KCNG2: variants seen among roughly 807,000 people sequenced by gnomAD.
The protein encoded by KCNG2 is potassium voltage-gated channel modifier subfamily G member 2.
A neutral mutation model predicts 12.3 loss-of-function variants in KCNG2; 7 were observed. That is an observed-to-expected ratio of 0.57 (90% confidence interval 0.32 to 1.07). KCNG2 has a LOEUF of 1.07. Among genes scored for constraint, KCNG2 ranks in the 50% least tolerant of loss-of-function variants. The pLI is 0.04. For missense variants in KCNG2, 703 were observed against 726.0 expected (o/e 0.97, Z 0.36); for synonymous variants, 414 against 351.4 (o/e 1.18, Z -1.99).
intron 1 of KCNG2, among the ~76,000 whole-genome samples, chr18:79,814,241 G>A (rs2087512223): frequency 6.6e-6 from 1 of 152,182 alleles, no homozygotes; most frequent in Non-Finnish European, 1.5e-5. Context: ...CAGCAATTGT[G>A]ATCTTGGGCA....
chr18:79,801,095 G>A (rs978322192), intron 1 of KCNG2, among the ~76,000 whole-genome samples: 1 of 152,158 alleles, frequency 6.6e-6, no homozygotes, highest in Non-Finnish European at 1.5e-5. Context: ...TTAACTGCTG[G>A]TCTCTGATCC....
intron 1 of KCNG2, among the ~76,000 whole-genome samples, chr18:79,835,753 A>C (rs1249374014): frequency 2.6e-5 from 4 of 152,236 alleles, no homozygotes; most frequent in African/African-American, 9.6e-5. Flanking sequence ...GGGATGTGTA[A>C]GACTATTATT....
At chr18:79,860,611 T>A (rs1979175552) in intron 2 of KCNG2, among the ~76,000 whole-genome samples, 1 of 152,130 alleles carries the variant, frequency 6.6e-6, no homozygotes, top group East Asian at 1.9e-4. Context: ...TACAACTGAT[T>A]TTTTTTACCG....
chr18:79,899,268 C>T lies in KCNG2; in HGVS notation c.853C>T (p.Leu285=), dbSNP rs970302534. Residue 285 remains leucine, a synonymous_variant, in exon 4 of 4, where the codon CTG becomes TTG. Transcript: ENST00000316249. Reference sequence around the variant, plus strand: ...GACCAAGCTCCTGGAGCGCGCGGGGCTGGTGCTGCGGCTGCTGCGTGCGCT... The same window carrying T: ...GACCAAGCTCCTGGAGCGCGCGGGGTTGGTGCTGCGGCTGCTGCGTGCGCT... ...GGTKLLERAG[L]VLRLLRALRV... The T allele has an allele frequency of 6.9e-6, 11 of 1,584,068 alleles. No individual in the cohort carries two copies. The highest frequency in any genetic ancestry group is 8.5e-6 in the Non-Finnish European group (10 of 1,172,468).
At chr18:79,851,369 G>T (rs936995849) in intron 1 of KCNG2, among the ~76,000 whole-genome samples, 5 of 152,158 alleles carry the variant, frequency 3.3e-5, no homozygotes, top group Admixed American at 6.5e-5. Context: ...ATCTGTTCCC[G>T]TAGCCATAAG....
intron 1 of KCNG2, among the ~76,000 whole-genome samples, chr18:79,845,228 G>A (rs983018682): frequency 3.9e-5 from 6 of 152,198 alleles, no homozygotes; most frequent in Admixed American, 1.3e-4. Context: ...ATATTATGAC[G>A]ATGAAGAACA....
At chr18:79,829,698 A>G in intron 1 of KCNG2, among the ~76,000 whole-genome samples, 1 of 152,000 alleles carries the variant, frequency 6.6e-6, no homozygotes. Context: ...CGCCATCTCT[A>G]CACTGTACTG....
chr18:79,866,386 C>T (rs1979549075), intron 3 of KCNG2, among the ~76,000 whole-genome samples: 1 of 103,796 alleles, frequency 9.6e-6, no homozygotes, highest in African/African-American at 3.8e-5. Context: ...GGTCTGGGTG[C>T]TGAGAGGTCT....
rs759695148 is a variant in KCNG2 at position 79,899,189 on chromosome 18, G to A, written c.774G>A (p.Ala258=). The A allele has an allele frequency of 2.6e-5, 42 of 1,603,646 alleles. No individual in the cohort carries two copies. The highest frequency in any genetic ancestry group is 1.7e-5 in the Admixed American group (1 of 59,894). ...RAPLNIIDIL[A]LLPFYVSLLL... is the part of the protein sequence containing the mutation. ...CACTCAACATCATTGACATCCTGGC[G>A]CTCCTGCCGTTCTACGTGTCGCTGC... Residue 258 remains alanine (A), a synonymous_variant, in exon 4 of 4, where the codon GCG becomes GCA. Coordinates refer to ENST00000316249, the MANE Select transcript of KCNG2 (RefSeq NM_012283.2).
intron 3 of KCNG2, among the ~76,000 whole-genome samples, chr18:79,865,326 AGAGGTCTGGGTGCT>A (rs1482818940): frequency 3.4e-5 from 3 of 88,068 alleles, no homozygotes; most frequent in Non-Finnish European, 4.8e-5. Context: ...CTGGGTGCTG[AGAGGTCTGGGTGCT>A]GAGGTCTGGG....
chr18:79,864,306 G>T lies in KCNG2; in HGVS notation c.624+15G>T, dbSNP rs1415422068. The T allele has an allele frequency of 1.3e-6, 2 of 1,513,568 alleles. No individual in the cohort carries two copies. Among genetic ancestry groups the T allele is most frequent in the South Asian group, 1.2e-5 (1 of 85,662 alleles). 93.8% of individuals were successfully genotyped at this position (1,513,568 alleles called of 1,614,324 possible). A position where few individuals can be genotyped will look rare whatever the true frequency, so the allele number is the denominator to read the frequency against. On this transcript the variant is annotated intron_variant, in intron 3 of 3. Transcript: ENST00000316249. ...AGGAGGAGCGGGTGAGCGCGGCCGG[G>T]GGTGGCGGGGACCGGGCCGGAGCTG...
In KCNG2 at chr18:79,863,648, G is replaced by C; in HGVS notation, c.-20G>C. The C allele has an allele frequency of 8.3e-7, 1 of 1,211,688 alleles. No individual in the cohort carries two copies. Among genetic ancestry groups the C allele is most frequent in the Non-Finnish European group, 1.0e-6 (1 of 973,642 alleles). 75.1% of individuals were successfully genotyped at this position (1,211,688 alleles called of 1,614,324 possible). A position where few individuals can be genotyped will look rare whatever the true frequency, so the allele number is the denominator to read the frequency against. ...TGCAGGAGCCGGGCAGGAGCCCCTC[G>C]GTCCGGTCCGGCCCTGCGCATGGAG... On this transcript the variant is annotated 5_prime_UTR_variant, in exon 3 of 4. Transcript: ENST00000316249.
At chr18:79,832,208 C>G (rs1456868476) in intron 1 of KCNG2, among the ~76,000 whole-genome samples, 1 of 150,576 alleles carries the variant, frequency 6.6e-6, no homozygotes, top group Admixed American at 6.6e-5. Flanking sequence ...CCTTCCTCAC[C>G]TGCCCTTCCT....
intron 1 of KCNG2, among the ~76,000 whole-genome samples, chr18:79,853,686 G>T (rs975421430): frequency 2.6e-5 from 4 of 152,234 alleles, no homozygotes; most frequent in Non-Finnish European, 5.9e-5. Context: ...CCAGGCAGCC[G>T]GTGTCAGCAG....
chr18:79,812,269 C>T (rs1472609040), intron 1 of KCNG2, among the ~76,000 whole-genome samples: 2 of 152,060 alleles, frequency 1.3e-5, no homozygotes, highest in East Asian at 1.9e-4. Flanking sequence ...ATGTGAGATA[C>T]GGTCGGAACA....
At chr18:79,854,970 AC>A (rs1424491032) in intron 1 of KCNG2, among the ~76,000 whole-genome samples, 3 of 152,142 alleles carry the variant, frequency 2.0e-5, no homozygotes, top group African/African-American at 7.2e-5. Flanking sequence ...AATCTTGTCT[AC>A]CGACTGTACT....
chr18:79,862,712 T>C (rs1325255320), intron 2 of KCNG2, among the ~76,000 whole-genome samples: 1 of 152,248 alleles, frequency 6.6e-6, no homozygotes, highest in Admixed American at 6.5e-5. Context: ...GCAACCATAA[T>C]CCATTGCCTC....
chr18:79,891,744 T>C lies in KCNG2; in HGVS notation c.625-7296T>C, dbSNP rs553932340. 2.0e-5 allele frequency among the ~76,000 whole-genome samples: 3 copies of C among 152,352 alleles called. No homozygotes were observed. In the South Asian group the frequency reaches 6.2e-4, roughly 32 times the overall value. On this transcript the variant is annotated intron_variant, in intron 3 of 3. Coordinates refer to ENST00000316249, the MANE Select transcript of KCNG2 (RefSeq NM_012283.2). ...TGGATGGAGAGTATATTTGTATTATTTCTATCCTTTTAAATGTATTGAGGT... is the reference window on the plus strand; with the variant it reads ...TGGATGGAGAGTATATTTGTATTATCTCTATCCTTTTAAATGTATTGAGGT...
intron 3 of KCNG2, among the ~76,000 whole-genome samples, chr18:79,892,287 C>T (rs1980771247): frequency 6.6e-6 from 1 of 152,280 alleles, no homozygotes; most frequent in South Asian, 2.1e-4. Flanking sequence ...ACCTGTTGAT[C>T]ATTACATATT....
Sources: allele counts gnomAD v4.1 joint callset (sites outside exome capture counted in the v4.1 genomes callset), GRCh38; gene constraint gnomAD v4.1.1; transcripts MANE v1.5; gene names NCBI Gene and HGNC (gene_info 2026-07-23, HGNC 2026-07-21).